TPST1: variants seen among roughly 807,000 people sequenced by gnomAD.
The protein encoded by TPST1 is tyrosylprotein sulfotransferase 1.
In TPST1, 20 loss-of-function variants were observed where a neutral mutation model predicts 34.8. The ratio of observed to expected loss-of-function variants is 0.57; its 90% CI spans 0.40 to 0.84. TPST1 has a LOEUF of 0.84. TPST1 is among the 40% of genes least tolerant of loss of function. The pLI is 0.00. For missense variants in TPST1, 353 were observed against 455.5 expected (o/e 0.78, Z 2.05); for synonymous variants, 152 against 159.4 (o/e 0.95, Z 0.35).
intron 3 of TPST1, among the ~76,000 whole-genome samples, chr7:66,331,268 A>G (rs1364530273): frequency 6.6e-6 from 1 of 152,244 alleles, no homozygotes; most frequent in East Asian, 1.9e-4. Context: ...CTCAGAAGTA[A>G]CATCCCATCA....
upstream of TPST1, among the ~76,000 whole-genome samples, chr7:66,204,864 C>T (rs1215082569): frequency 1.3e-5 from 2 of 152,274 alleles, no homozygotes; most frequent in African/African-American, 4.8e-5. Flanking sequence ...ATGACAGCTT[C>T]TCTGCCAGCA....
chr7:66,224,109 C>G (rs555802155), intron 1 of TPST1, among the ~76,000 whole-genome samples: 1 of 152,048 alleles, frequency 6.6e-6, no homozygotes, highest in African/African-American at 2.4e-5. Context: ...CAGCCCCTAA[C>G]GTGCAGCTAG....
At chr7:66,272,995 C>G (rs557608748) in intron 2 of TPST1, among the ~76,000 whole-genome samples, 3 of 152,290 alleles carry the variant, frequency 2.0e-5, no homozygotes, top group Admixed American at 2.0e-4. Context: ...ACTAAATTGT[C>G]TCTGTTTGCT....
Position 66,294,064 on chromosome 7 carries a change from A to G in TPST1, c.1044+7355A>G, listed in dbSNP as rs117824708. Among the ~76,000 whole-genome samples, 633 of 152,332 alleles carry G rather than the reference A, an allele frequency of 4.2e-3. 7 individuals carry two copies. The highest frequency in any genetic ancestry group is 7.0e-3 in the Non-Finnish European group (475 of 68,038). On this transcript the variant is annotated intron_variant, in intron 3 of 5. Coordinates refer to ENST00000304842, the MANE Select transcript of TPST1 (RefSeq NM_003596.4). ...AATTTACCACTCTGACACTTTTTAAAGTGCACAATTCAGTGGCATTAAATA... is the reference window on the plus strand; with the variant it reads ...AATTTACCACTCTGACACTTTTTAAGGTGCACAATTCAGTGGCATTAAATA...
In TPST1 at chr7:66,266,531, A is replaced by G. The variant is rs184277045; in HGVS notation, c.846-19980A>G. 2.3e-3 allele frequency among the ~76,000 whole-genome samples: 345 copies of G among 152,382 alleles called. 2 individuals carry two copies. Among genetic ancestry groups the G allele is most frequent in the African/African-American group, 7.9e-3 (328 of 41,590 alleles). The stretch of plus-strand genomic sequence containing the variant: ...CCACTCCTACATATATTCACAACAT[A>G]AAGAAGTTATACACTTTAAAAATTA... On this transcript the variant is annotated intron_variant, in intron 2 of 5. Coordinates refer to ENST00000304842, the MANE Select transcript of TPST1 (RefSeq NM_003596.4).
chr7:66,210,778 A>G (rs1789225699), intron 1 of TPST1, among the ~76,000 whole-genome samples: 1 of 152,176 alleles, frequency 6.6e-6, no homozygotes, highest in African/African-American at 2.4e-5. Flanking sequence ...AGCCTGGGCA[A>G]CATAGCAAGA....
chr7:66,262,659 C>T (rs1199566168), intron 2 of TPST1, among the ~76,000 whole-genome samples: 1 of 152,160 alleles, frequency 6.6e-6, no homozygotes, highest in Non-Finnish European at 1.5e-5. Flanking sequence ...GTTCTCTTCT[C>T]CTGTCATGAA....
intron 2 of TPST1, among the ~76,000 whole-genome samples, chr7:66,264,658 A>C (rs1462836933): frequency 6.6e-6 from 1 of 152,218 alleles, no homozygotes; most frequent in Non-Finnish European, 1.5e-5. Flanking sequence ...CAACTACAAC[A>C]ATAAGCAGCA....
chr7:66,304,892 A>T (rs1371660285), intron 3 of TPST1, among the ~76,000 whole-genome samples: 1 of 151,008 alleles, frequency 6.6e-6, no homozygotes, highest in East Asian at 1.9e-4. Context: ...ATCATAGCTC[A>T]CTGCATCCAG....
At chr7:66,219,269 A>G (rs1789491435) in intron 1 of TPST1, among the ~76,000 whole-genome samples, 1 of 152,102 alleles carries the variant, frequency 6.6e-6, no homozygotes, top group South Asian at 2.1e-4. Context: ...TCCAGCTCCA[A>G]GTAATTTTGG....
At chr7:66,226,108 C>T (rs1431607375) in intron 1 of TPST1, among the ~76,000 whole-genome samples, 2 of 151,904 alleles carry the variant, frequency 1.3e-5, no homozygotes, top group African/African-American at 2.4e-5. Context: ...AGGATGGTCT[C>T]GATCTCCTGA....
At chr7:66,295,246 G>A (rs1432789773) in intron 3 of TPST1, among the ~76,000 whole-genome samples, 1 of 152,170 alleles carries the variant, frequency 6.6e-6, no homozygotes, top group African/African-American at 2.4e-5. Context: ...TGTAATCCCA[G>A]CATTTTGGGA....
chr7:66,308,827 A>G (rs1791473743), intron 3 of TPST1, among the ~76,000 whole-genome samples: 1 of 152,154 alleles, frequency 6.6e-6, no homozygotes, highest in African/African-American at 2.4e-5. Flanking sequence ...CCTGGGATGT[A>G]GTTAGGAGAT....
At chr7:66,320,245 C>G (rs370930015) in intron 3 of TPST1, among the ~76,000 whole-genome samples, 1 of 126,386 alleles carries the variant, frequency 7.9e-6, no homozygotes, top group East Asian at 2.3e-4. Flanking sequence ...TTTTCTTTTT[C>G]TTTTTTTTTT....
intron 3 of TPST1, among the ~76,000 whole-genome samples, chr7:66,318,802 C>G (rs372393229): frequency 3.9e-5 from 6 of 152,158 alleles, no homozygotes; most frequent in African/African-American, 1.4e-4. Context: ...ATGGTAGACT[C>G]AGACTTTGCA....
intron 2 of TPST1, among the ~76,000 whole-genome samples, chr7:66,245,104 T>C (rs1790120577): frequency 6.6e-6 from 1 of 152,206 alleles, no homozygotes; most frequent in Admixed American, 6.5e-5. Flanking sequence ...GGAAGAATAA[T>C]TAGTAATTTA....
chr7:66,213,858 T>A (rs908701565), intron 1 of TPST1, among the ~76,000 whole-genome samples: 2 of 152,184 alleles, frequency 1.3e-5, no homozygotes, highest in African/African-American at 2.4e-5. Context: ...CAAATTGTGG[T>A]TTTCCTGGTT....
chr7:66,264,374 A>G (rs1202132025), intron 2 of TPST1, among the ~76,000 whole-genome samples: 1 of 152,230 alleles, frequency 6.6e-6, no homozygotes, highest in African/African-American at 2.4e-5. Flanking sequence ...TGCCCAGGGA[A>G]GACTTCTACC....
Position 66,296,264 on chromosome 7 carries a change from A to G in TPST1, c.1044+9555A>G, listed in dbSNP as rs113328540. The stretch of plus-strand genomic sequence containing the variant: ...CCCACCCTTCCCCCCCCCCTCCCCC[A>G]CCGTCTCTGCCTATCTTTAAAGTGA... On this transcript the variant is annotated intron_variant, in intron 3 of 5. Coordinates refer to ENST00000304842, the MANE Select transcript of TPST1 (RefSeq NM_003596.4). 2.6e-3 allele frequency among the ~76,000 whole-genome samples: 53 copies of G among 20,626 alleles called. 2 individuals carry two copies. Among genetic ancestry groups the G allele is most frequent in the East Asian group, 7.9e-3 (5 of 636 alleles). 13.5% of individuals were successfully genotyped at this position (20,626 alleles called of 152,430 possible).
Sources: gnomAD v4.1 joint callset for allele counts (sites outside exome capture counted in the v4.1 genomes callset) on GRCh38, gnomAD v4.1.1 for gene constraint, MANE v1.5 for transcripts, NCBI Gene and HGNC (gene_info 2026-07-23, HGNC 2026-07-21) for gene names.